Variants in LOC128706666 observed in about 807,000 individuals in gnomAD.
At chr20:10,434,147 C>T in the LOC128706666 span, 1 of 152,814 alleles carries the variant, frequency 6.5e-6, no homozygotes. Context: ...CCGCCACCGC[C>T]AGAGGCCCCA....
the LOC128706666 span, among the ~76,000 whole-genome samples, chr20:10,418,404 A>T: frequency 6.6e-6 from 1 of 152,302 alleles, no homozygotes; most frequent in Admixed American, 6.5e-5. Context: ...CATGTATGTA[A>T]TTTTCCATAA....
chr20:10,419,255 C>T, the LOC128706666 span, among the ~76,000 whole-genome samples: 1 of 152,072 alleles, frequency 6.6e-6, no homozygotes, highest in Non-Finnish European at 1.5e-5. Flanking sequence ...AAATGCTTTA[C>T]AATTACAGGG....
the LOC128706666 span, among the ~76,000 whole-genome samples, chr20:10,417,028 G>A: frequency 4.7e-4 from 72 of 152,020 alleles, no homozygotes; most frequent in East Asian, 0.013. Flanking sequence ...ATGAATAGTC[G>A]CTAATAATTA....
chr20:10,420,573 A>C, the LOC128706666 span: 5 of 152,200 alleles, frequency 3.3e-5, no homozygotes, highest in South Asian at 8.3e-4. Context: ...GGCTCTTCTG[A>C]AGATTTGAAA....
chr20:10,422,713 C>CTT, the LOC128706666 span, among the ~76,000 whole-genome samples: 246 of 143,514 alleles, frequency 1.7e-3, 1 homozygote, highest in Middle Eastern at 0.011. Flanking sequence ...GTTATATTAT[C>CTT]TTTTTTTTTT....
the LOC128706666 span, among the ~76,000 whole-genome samples, chr20:10,421,800 T>C: frequency 5.3e-5 from 8 of 151,640 alleles, no homozygotes; most frequent in African/African-American, 1.9e-4. Flanking sequence ...ATATTTTAAA[T>C]TTGGAAAGGA....
the LOC128706666 span, among the ~76,000 whole-genome samples, chr20:10,427,159 A>G: frequency 6.6e-6 from 1 of 151,902 alleles, no homozygotes; most frequent in East Asian, 1.9e-4. Context: ...AGATTATTCT[A>G]TCTAGCATAG....
chr20:10,415,881 C>CTGAAAGTG, the LOC128706666 span, among the ~76,000 whole-genome samples: 1 of 152,118 alleles, frequency 6.6e-6, no homozygotes, highest in Non-Finnish European at 1.5e-5. Context: ...AAAGAAATCA[C>CTGAAAGTG]TGAAAGTGGT....
the LOC128706666 span, among the ~76,000 whole-genome samples, chr20:10,422,905 GT>G: frequency 6.6e-6 from 1 of 151,816 alleles, no homozygotes; most frequent in African/African-American, 2.4e-5. Context: ...TAGAGACAGG[GT>G]TTCACCGTGT....
the LOC128706666 span, among the ~76,000 whole-genome samples, chr20:10,432,581 T>A: frequency 2.6e-5 from 4 of 151,952 alleles, no homozygotes; most frequent in African/African-American, 9.7e-5. Context: ...TCACCTGAGG[T>A]CAGGAGTTCA....
At chr20:10,433,001 G>A in the LOC128706666 span, among the ~76,000 whole-genome samples, 1 of 152,060 alleles carries the variant, frequency 6.6e-6, no homozygotes, top group African/African-American at 2.4e-5. Flanking sequence ...TTTTCCCCCA[G>A]AATGTTTTTA....
the LOC128706666 span, among the ~76,000 whole-genome samples, chr20:10,420,371 A>C: frequency 6.6e-6 from 1 of 152,208 alleles, no homozygotes; most frequent in Non-Finnish European, 1.5e-5. Context: ...GAACTTTTCT[A>C]GAAACAACTG....
At chr20:10,413,777 TAC>T in the LOC128706666 span, 9 of 585,296 alleles carry the variant, frequency 1.5e-5, no homozygotes, top group Non-Finnish European at 2.4e-5. Flanking sequence ...ACTGAAATTT[TAC>T]AGACTGCTTT....
the LOC128706666 span, among the ~76,000 whole-genome samples, chr20:10,421,880 C>T: frequency 1.3e-5 from 2 of 151,968 alleles, no homozygotes; most frequent in Non-Finnish European, 2.9e-5. Context: ...TCTGGACAAC[C>T]TCTAAAGACT....
chr20:10,419,520 C>G, the LOC128706666 span, among the ~76,000 whole-genome samples: 1 of 152,158 alleles, frequency 6.6e-6, no homozygotes, highest in Non-Finnish European at 1.5e-5. Flanking sequence ...TCCAAGACCA[C>G]CCAGTGGATG....
chr20:10,427,508 T>C, the LOC128706666 span, among the ~76,000 whole-genome samples: 2 of 152,240 alleles, frequency 1.3e-5, no homozygotes, highest in African/African-American at 2.4e-5. Flanking sequence ...TCTTTTACAA[T>C]GACAATGTTG....
the LOC128706666 span, among the ~76,000 whole-genome samples, chr20:10,419,206 T>C: frequency 6.6e-6 from 1 of 152,160 alleles, no homozygotes; most frequent in African/African-American, 2.4e-5. Context: ...ACTTAGAGCA[T>C]ATTATTCACC....
At chr20:10,418,598 C>T in the LOC128706666 span, among the ~76,000 whole-genome samples, 1 of 152,084 alleles carries the variant, frequency 6.6e-6, no homozygotes, top group Non-Finnish European at 1.5e-5. Context: ...TTAACTATTG[C>T]TGCACTGGCA....
At chr20:10,430,617 T>C in the LOC128706666 span, among the ~76,000 whole-genome samples, 1 of 152,154 alleles carries the variant, frequency 6.6e-6, no homozygotes, top group South Asian at 2.1e-4. Context: ...AGAATAAAAA[T>C]ACCCAGTCTC....
Sources: allele counts gnomAD v4.1 joint callset (sites outside exome capture counted in the v4.1 genomes callset), GRCh38; gene constraint gnomAD v4.1.1; transcripts MANE v1.5.